Variants in DYSF observed in about 807,000 individuals in gnomAD.
DYSF encodes the protein dysferlin.
In DYSF, 212 loss-of-function variants were observed where a neutral mutation model predicts 274.9. The observed-to-expected ratio is 0.77, with a 90% confidence interval of 0.69 to 0.86. The LOEUF is 0.86. Among genes scored for constraint, DYSF ranks in the 40% least tolerant of loss-of-function variants. DYSF has a pLI of 0.00. For synonymous variants in DYSF, 1,091 were observed against 1,078.7 expected (o/e 1.01, Z -0.22); for missense variants, 2,666 against 2,783.2 (o/e 0.96, Z 0.95).
chr2:71,581,254 TC>T (rs1281704960), intron 30 of DYSF, among the ~76,000 whole-genome samples: 1 of 152,252 alleles, frequency 6.6e-6, no homozygotes, highest in Non-Finnish European at 1.5e-5. Context: ...TCGTGGATTC[TC>T]CAGGTTTCCT....
chr2:71,633,406 A>T (rs944700610), intron 41 of DYSF, among the ~76,000 whole-genome samples: 10 of 152,232 alleles, frequency 6.6e-5, no homozygotes, highest in African/African-American at 2.2e-4. Flanking sequence ...TTGTACCGTG[A>T]TTCCAGTACT....
At chr2:71,644,125 A>C in intron 42 of DYSF, 62 bp downstream of exon 42, 1 of 1,357,450 alleles carries the variant, frequency 7.4e-7, no homozygotes, top group Non-Finnish European at 1.0e-6. Flanking sequence ...TGGGAGACAC[A>C]ACAGAAAGAG....
chr2:71,652,729 A>G (rs980751340), intron 42 of DYSF, among the ~76,000 whole-genome samples: 1 of 152,250 alleles, frequency 6.6e-6, no homozygotes, highest in African/African-American at 2.4e-5. Flanking sequence ...CTGGAAGAAC[A>G]TCAGGTAACG....
At chr2:71,568,556 T>C (rs1257276911) in intron 26 of DYSF, among the ~76,000 whole-genome samples, 2 of 147,786 alleles carry the variant, frequency 1.4e-5, no homozygotes, top group Non-Finnish European at 3.0e-5. Context: ...ATTCTTTTCA[T>C]TAAAAAAATT....
intron 48 of DYSF, 26 bp downstream of exon 48, chr2:71,667,541 G>A (rs781570647): frequency 6.2e-7 from 1 of 1,613,718 alleles, no homozygotes; most frequent in Non-Finnish European, 8.5e-7. Context: ...TTGGGTCCCA[G>A]AGTCCTCGAA....
chr2:71,543,538 C>T (rs1274316355), intron 17 of DYSF, among the ~76,000 whole-genome samples: 9 of 152,168 alleles, frequency 5.9e-5, no homozygotes, highest in African/African-American at 9.7e-5. Flanking sequence ...GATAGCGAGC[C>T]GAGATCAAGC....
chr2:71,620,286 C>G (rs1394674638), intron 40 of DYSF, among the ~76,000 whole-genome samples: 2 of 152,224 alleles, frequency 1.3e-5, no homozygotes, highest in Non-Finnish European at 2.9e-5. Flanking sequence ...TCGTCTCATT[C>G]ATACTCACTG....
intron 1 of DYSF, among the ~76,000 whole-genome samples, chr2:71,469,395 G>A (rs887751462): frequency 6.6e-6 from 1 of 152,116 alleles, no homozygotes; most frequent in Non-Finnish European, 1.5e-5. Context: ...TTCCGGTGGG[G>A]CCCCAGGCAT....
chr2:71,613,216 A>G (rs547250416), intron 39 of DYSF, 118 bp from the exon 40 acceptor site: 2 of 862,162 alleles, frequency 2.3e-6, no homozygotes, highest in Non-Finnish European at 3.8e-6. Context: ...ATACCGACTG[A>G]GAAATGTGGA....
At chr2:71,570,804 T>C in intron 29 of DYSF, 63 bp downstream of exon 29, 5 of 1,602,998 alleles carry the variant, frequency 3.1e-6, no homozygotes, top group East Asian at 2.2e-5. Flanking sequence ...TAGGCACAGA[T>C]GCAGACCTGC....
At chr2:71,672,684 A>G (rs1246746354) in intron 51 of DYSF, among the ~76,000 whole-genome samples, 1 of 152,204 alleles carries the variant, frequency 6.6e-6, no homozygotes, top group Non-Finnish European at 1.5e-5. Flanking sequence ...GGGCCGTTTG[A>G]ACCTCTGGCT....
At chr2:71,518,870 A>G (rs1311808152) in intron 10 of DYSF, among the ~76,000 whole-genome samples, 2 of 151,890 alleles carry the variant, frequency 1.3e-5, no homozygotes, top group Non-Finnish European at 2.9e-5. Context: ...AGGTGGGCAG[A>G]TCACTTGAAG....
rs2152967860 is a variant in DYSF, at chr2:71,679,162, C to T, written c.5990C>T (p.Ser1997Phe). 6.2e-7 allele frequency: 1 copy of T among 1,614,024 alleles called. No individual in the cohort carries two copies. Among genetic ancestry groups the T allele is most frequent in the East Asian group, 2.2e-5 (1 of 44,888 alleles). Reference protein sequence around the residue: ...DDAFHPEWFVSLFEQKTVKGW... With the variant: ...DDAFHPEWFVFLFEQKTVKGW... ...GCTTTCCACCCAGAATGGTTTGTGT[C>T]CCTTTTTGAGCAGAAAACAGTGAAG... The change falls in exon 53 of 56, where the codon TCC (serine) becomes TTC (phenylalanine). Residue 1997 changes from serine to phenylalanine, a missense_variant. Around this residue, in one of 3 missense-constraint regions of DYSF, gnomAD observed 1,460 missense variants for 1,502.1 expected, o/e 0.97. Coordinates refer to ENST00000410020, the MANE Select transcript of DYSF (RefSeq NM_001130987.2).
rs144116735 is a variant in DYSF, at chr2:71,679,080, C to T, written c.5908C>T (p.Arg1970Cys). ...AGGCTCCCTGCAGCTCGATCTCAAC[C>T]GCATGCCCAAGCCAGCCAAGACAGC... ...FLGSLQLDLN[R>C]MPKPAKTAKK... The change falls in exon 53 of 56, where the codon CGC becomes TGC. Residue 1970 changes from arginine to cysteine, a missense_variant. This residue lies in a region of DYSF where 1,460 missense variants were observed against 1,502.1 expected (regional missense o/e 0.97). Transcript: ENST00000410020. 4.8e-5 allele frequency: 78 copies of T among 1,613,878 alleles called. No homozygotes were observed. In the Middle Eastern group the frequency reaches 4.9e-4, roughly 10 times the overall value.
At chr2:71,639,893 A>G (rs1192351457) in intron 41 of DYSF, among the ~76,000 whole-genome samples, 1 of 152,228 alleles carries the variant, frequency 6.6e-6, no homozygotes, top group African/African-American at 2.4e-5. Context: ...GGTCTATGCA[A>G]CAACAGCAAT....
At chr2:71,612,512 C>T in intron 38 of DYSF, 129 bp from the exon 39 acceptor site, 3 of 1,433,356 alleles carry the variant, frequency 2.1e-6, no homozygotes, top group Non-Finnish European at 2.9e-6. Context: ...AGCTCTGGGC[C>T]AGCCACCATT....
At chr2:71,554,058 G>T in intron 21 of DYSF, 127 bp downstream of exon 21, 3 of 1,427,748 alleles carry the variant, frequency 2.1e-6, no homozygotes, top group Non-Finnish European at 2.9e-6. Flanking sequence ...ACTGACCTTT[G>T]TGGTTGGTGT....
intron 43 of DYSF, among the ~76,000 whole-genome samples, chr2:71,657,945 T>C (rs761268829): frequency 6.6e-5 from 10 of 152,244 alleles, no homozygotes; most frequent in Non-Finnish European, 1.0e-4. Context: ...TTGCTACTTA[T>C]GCAAATTTCT....
At position 71,683,016 on chromosome 2, in the gene DYSF, G is replaced by T. The variant is rs114600585; in HGVS notation, c.6321+339G>T. On this transcript the variant is annotated intron_variant, in intron 55 of 55. Transcript: ENST00000410020. Reference sequence around the variant, plus strand: ...TTGCGGTGGGCAGGGGGACTTTCTGGAAGGGAGGTGTGGAACTGGGTCTGA... The same window carrying T: ...TTGCGGTGGGCAGGGGGACTTTCTGTAAGGGAGGTGTGGAACTGGGTCTGA... Among the ~76,000 whole-genome samples, 443 of 152,316 alleles carry T rather than the reference G, an allele frequency of 2.9e-3. 2 individuals carry two copies. Among genetic ancestry groups the T allele is most frequent in the African/African-American group, 0.01 (430 of 41,574 alleles).
Sources: allele counts gnomAD v4.1 joint callset (sites outside exome capture counted in the v4.1 genomes callset), GRCh38; gene constraint gnomAD v4.1.1; regional missense constraint gnomAD v4.1.1; transcripts MANE v1.5; gene names NCBI Gene and HGNC (gene_info 2026-07-23, HGNC 2026-07-21).